DNAAF4: variants seen among roughly 807,000 people sequenced by gnomAD.
The protein encoded by DNAAF4 is dynein axonemal assembly factor 4, also known as dynein assembly factor 4, axonemal.
In DNAAF4, 43 loss-of-function variants were observed where a neutral mutation model predicts 51.8. The ratio of observed to expected loss-of-function variants is 0.83; its 90% confidence interval spans 0.65 to 1.07. The LOEUF is 1.07. Among genes scored for constraint, DNAAF4 ranks in the 50% least tolerant of loss-of-function variants. The pLI, the probability that DNAAF4 is intolerant of heterozygous loss-of-function variation, is 0.00. For synonymous variants in DNAAF4, 194 were observed against 165.6 expected (o/e 1.17, Z -1.32); for missense variants, 581 against 493.0 (o/e 1.18, Z -1.69).
intron 6 of DNAAF4, among the ~76,000 whole-genome samples, chr15:55,446,831 C>CAGA (rs1309495550): frequency 2.1e-5 from 3 of 146,124 alleles, no homozygotes; most frequent in South Asian, 2.2e-4. Flanking sequence ...CCTCACATCC[C>CAGA]TGATGGGGTG....
chr15:55,457,559 T>C (rs2058038487), intron 5 of DNAAF4, among the ~76,000 whole-genome samples: 1 of 152,114 alleles, frequency 6.6e-6, no homozygotes, highest in Admixed American at 6.5e-5. Context: ...ATACTGCAGC[T>C]GGTGCCCTCT....
intron 4 of DNAAF4, among the ~76,000 whole-genome samples, chr15:55,477,660 GTA>G (rs35040612): frequency 0.68 from 102,125 of 150,488 alleles, 34,859 homozygotes; most frequent in Admixed American, 0.75. Context: ...GTGTGTGTGT[GTA>G]TATATATATA....
chr15:55,422,016 G>A (rs1374484665), intron 7 of DNAAF4, among the ~76,000 whole-genome samples: 2 of 150,866 alleles, frequency 1.3e-5, no homozygotes, highest in South Asian at 2.1e-4. Flanking sequence ...ATCCCAGCAG[G>A]AGAAAACAGA....
chr15:55,454,430 T>G (rs1486165881), intron 5 of DNAAF4, among the ~76,000 whole-genome samples: 1 of 151,982 alleles, frequency 6.6e-6, no homozygotes, highest in Non-Finnish European at 1.5e-5. Context: ...CAGGCTAGAG[T>G]GCAGTGGCAC....
chr15:55,418,687 G>C (rs927489745), intron 7 of DNAAF4: 2 of 696,748 alleles, frequency 2.9e-6, no homozygotes, highest in Non-Finnish European at 4.5e-6. Flanking sequence ...TTTAAAATAA[G>C]TTAAATAAAG....
chr15:55,506,874 G>C (rs2058729930), intron 1 of DNAAF4, among the ~76,000 whole-genome samples: 1 of 151,384 alleles, frequency 6.6e-6, no homozygotes, highest in Non-Finnish European at 1.5e-5. Context: ...TTTTTTGATG[G>C]AGTTTCACTC....
At chr15:55,487,517 G>A (rs1166508224) in intron 4 of DNAAF4, among the ~76,000 whole-genome samples, 1 of 152,112 alleles carries the variant, frequency 6.6e-6, no homozygotes, top group Non-Finnish European at 1.5e-5. Flanking sequence ...CCATGCTGTG[G>A]AAGCTTTGTT....
At chr15:55,457,826 G>C (rs1312002243) in intron 5 of DNAAF4, among the ~76,000 whole-genome samples, 1 of 152,168 alleles carries the variant, frequency 6.6e-6, no homozygotes, top group African/African-American at 2.4e-5. Context: ...CACCAGAACA[G>C]GTGCTGGTAT....
chr15:55,418,938 TGAG>T (rs147931012), intron 7 of DNAAF4, among the ~76,000 whole-genome samples: 54,584 of 138,200 alleles, frequency 0.39, 12,539 homozygotes, highest in Non-Finnish European at 0.48. Context: ...TTTTTTTTTT[TGAG>T]TGAGTTGGAG....
intron 7 of DNAAF4, among the ~76,000 whole-genome samples, chr15:55,422,776 C>A (rs1412076568): frequency 6.6e-6 from 1 of 152,110 alleles, no homozygotes. Context: ...GTGGGCAGAT[C>A]GCCTGAGGTC....
At position 55,430,749 on chromosome 15, in the gene DNAAF4, A is replaced by G. The variant is rs767092535; in HGVS notation, c.1184T>C (p.Ile395Thr). 1.2e-6 allele frequency: 2 copies of G among 1,613,410 alleles called. No homozygotes were observed. The highest frequency in any genetic ancestry group is 2.2e-5 in the East Asian group (1 of 44,750). Residue 395 changes from isoleucine to threonine, a missense_variant, in exon 10 of 10, where the codon ATT (isoleucine) becomes ACT (threonine). Ile to Thr is a moderately conservative substitution (Grantham distance 89, BLOSUM62 -1). Coordinates refer to ENST00000321149, the MANE Select transcript of DNAAF4 (RefSeq NM_130810.4). ...TTGTACAATTTTGTTGGATGGATCA[A>G]TCTTAAGTGCCGCTTCATAATCCTG... ...GLQDYEAALK[I>T]DPSNKIVQID...
intron 5 of DNAAF4, among the ~76,000 whole-genome samples, chr15:55,458,439 C>T (rs1345436565): frequency 6.6e-6 from 1 of 152,026 alleles, no homozygotes; most frequent in Non-Finnish European, 1.5e-5. Context: ...GAAGAAATAA[C>T]TTCAGAGATC....
At chr15:55,473,325 A>C (rs546222192) in intron 4 of DNAAF4, among the ~76,000 whole-genome samples, 2 of 139,900 alleles carry the variant, frequency 1.4e-5, no homozygotes, top group Admixed American at 1.5e-4. Flanking sequence ...ATATGTGTGT[A>C]TATATATGTG....
intron 4 of DNAAF4, among the ~76,000 whole-genome samples, chr15:55,484,851 T>C (rs971998109): frequency 1.3e-5 from 2 of 152,188 alleles, no homozygotes; most frequent in Non-Finnish European, 2.9e-5. Flanking sequence ...CGTCTTTTCA[T>C]ATTTTTCTGC....
At chr15:55,419,590 G>C (rs1345010001) in intron 7 of DNAAF4, among the ~76,000 whole-genome samples, 1 of 152,178 alleles carries the variant, frequency 6.6e-6, no homozygotes, top group Non-Finnish European at 1.5e-5. Context: ...TGGTGGAAGA[G>C]AGAACTTGTA....
chr15:55,478,152 T>C (rs1053826395), intron 4 of DNAAF4, among the ~76,000 whole-genome samples: 2 of 152,158 alleles, frequency 1.3e-5, no homozygotes, highest in Non-Finnish European at 2.9e-5. Flanking sequence ...ACAAATTCAG[T>C]TTCTTTTTGA....
intron 3 of DNAAF4, among the ~76,000 whole-genome samples, chr15:55,494,388 A>G (rs942389682): frequency 6.6e-6 from 1 of 152,026 alleles, no homozygotes; most frequent in Admixed American, 6.6e-5. Context: ...ATCAATGTTC[A>G]TTGTGATATA....
intron 6 of DNAAF4, among the ~76,000 whole-genome samples, chr15:55,446,279 G>GCACC: frequency 1.0e-5 from 1 of 99,560 alleles, no homozygotes; most frequent in Non-Finnish European, 1.8e-5. Context: ...GGGCAGAGGC[G>GCACC]CTCCTCACAT....
At chr15:55,449,181 G>A (rs1162570329) in intron 6 of DNAAF4, among the ~76,000 whole-genome samples, 1 of 149,326 alleles carries the variant, frequency 6.7e-6, no homozygotes, top group Non-Finnish European at 1.5e-5. Flanking sequence ...ATAGCGATGG[G>A]GTTTCACCAT....
Sources: gnomAD v4.1 joint callset for allele counts (sites outside exome capture counted in the v4.1 genomes callset) on GRCh38, gnomAD v4.1.1 for gene constraint, MANE v1.5 for transcripts, NCBI Gene and HGNC (gene_info 2026-07-23, HGNC 2026-07-21) for gene names.